The following NELL1 variants were observed in gnomAD, a reference collection of about 807,000 sequenced individuals.
NELL1 encodes protein kinase C-binding protein NELL1.
NELL1 carries 76 observed loss-of-function variants against 107.4 expected under a neutral mutation model. The ratio of observed to expected loss-of-function variants is 0.71; its 90% CI spans 0.59 to 0.86. The LOEUF (loss-of-function observed/expected upper bound fraction) is 0.86, where lower values mean the gene tolerates loss of function less well. Ranked by LOEUF, NELL1 falls within the 40% of genes least tolerant of loss-of-function variation. The pLI, the probability that NELL1 is intolerant of heterozygous loss-of-function variation, is 0.00. For synonymous variants in NELL1, 353 were observed against 341.2 expected (o/e 1.03, Z -0.38); for missense variants, 1,024 against 1,005.5 (o/e 1.02, Z -0.25).
At chr11:21,426,932 T>G (rs1041668890) in intron 15 of NELL1, among the ~76,000 whole-genome samples, 3 of 152,024 alleles carry the variant, frequency 2.0e-5, no homozygotes, top group African/African-American at 7.2e-5. Flanking sequence ...AATCTGAAAT[T>G]GCAAGCACAG....
At chr11:20,837,160 A>C (rs11025779) in intron 3 of NELL1, among the ~76,000 whole-genome samples, 97,409 of 151,918 alleles carry the variant, frequency 0.64, 33,201 homozygotes, top group Non-Finnish European at 0.78. Flanking sequence ...TGAGTTGATA[A>C]AGTTGTTTAC....
intron 12 of NELL1, among the ~76,000 whole-genome samples, chr11:21,043,250 C>A (rs1460059924): frequency 6.6e-6 from 1 of 151,948 alleles, no homozygotes; most frequent in Admixed American, 6.6e-5. Flanking sequence ...GTGTTCATTG[C>A]AGGGGATATA....
Position 20,960,691 on chromosome 11 carries a change from T to C in NELL1, c.1300+131T>C, listed in dbSNP as rs542877281. The C allele has an allele frequency of 1.4e-5, 14 of 1,007,562 alleles. No individual in the cohort carries two copies. In the African/African-American group the frequency reaches 1.8e-4, roughly 13 times the overall value. 62.4% of individuals were successfully genotyped at this position (1,007,562 alleles called of 1,614,324 possible). On this transcript the variant is annotated intron_variant, in intron 12 of 19. Transcript: ENST00000357134. Reference sequence around the variant, plus strand: ...GCAATCCTATAAGAAATCATATCAATTGCTGAGGGTTCTCTGTTCTCCTGG... The same window carrying C: ...GCAATCCTATAAGAAATCATATCAACTGCTGAGGGTTCTCTGTTCTCCTGG...
At chr11:21,404,656 T>C (rs979036717) in intron 15 of NELL1, among the ~76,000 whole-genome samples, 1 of 152,024 alleles carries the variant, frequency 6.6e-6, no homozygotes, top group Non-Finnish European at 1.5e-5. Flanking sequence ...ATCATCATAA[T>C]AATCCCATGT....
At chr11:20,708,976 A>G (rs984592413) in intron 2 of NELL1, among the ~76,000 whole-genome samples, 2 of 152,110 alleles carry the variant, frequency 1.3e-5, no homozygotes, top group Admixed American at 6.6e-5. Flanking sequence ...CCTTGCATGC[A>G]CAGTTCACAA....
chr11:20,883,362 T>A (rs1240935800), intron 4 of NELL1, among the ~76,000 whole-genome samples: 1 of 152,370 alleles, frequency 6.6e-6, no homozygotes, highest in African/African-American at 2.4e-5. Flanking sequence ...TCTCTTTGAT[T>A]GTTTTTTCCT....
At chr11:20,968,567 C>T (rs1473779173) in intron 12 of NELL1, among the ~76,000 whole-genome samples, 2 of 152,168 alleles carry the variant, frequency 1.3e-5, no homozygotes, top group Non-Finnish European at 1.5e-5. Flanking sequence ...ACGTCACTGC[C>T]TTTATTTGCT....
intron 12 of NELL1, among the ~76,000 whole-genome samples, chr11:21,110,952 A>C (rs1355788292): frequency 6.6e-6 from 1 of 152,150 alleles, no homozygotes; most frequent in Non-Finnish European, 1.5e-5. Context: ...TGAACAGCAC[A>C]CTAATGTCCA....
intron 12 of NELL1, among the ~76,000 whole-genome samples, chr11:21,064,781 A>C (rs1024302851): frequency 6.6e-6 from 1 of 152,208 alleles, no homozygotes; most frequent in African/African-American, 2.4e-5. Context: ...ACATTAAAAC[A>C]CACCCACATC....
intron 2 of NELL1, among the ~76,000 whole-genome samples, chr11:20,735,380 A>G (rs1378539765): frequency 6.6e-6 from 1 of 152,176 alleles, no homozygotes; most frequent in African/African-American, 2.4e-5. Flanking sequence ...TCATGACAGA[A>G]GGAGAAGCAA....
intron 14 of NELL1, among the ~76,000 whole-genome samples, chr11:21,297,481 G>A (rs1849399202): frequency 6.6e-6 from 1 of 152,004 alleles, no homozygotes; most frequent in South Asian, 2.1e-4. Flanking sequence ...AAAGCCTCTG[G>A]ATTCATCCTT....
chr11:20,975,107 C>A (rs1226066102), intron 12 of NELL1, among the ~76,000 whole-genome samples: 1 of 152,130 alleles, frequency 6.6e-6, no homozygotes, highest in Admixed American at 6.5e-5. Flanking sequence ...CTCCCAGGTT[C>A]AAGCGATTCT....
intron 2 of NELL1, among the ~76,000 whole-genome samples, chr11:20,756,915 G>A (rs530964594): frequency 2.0e-5 from 3 of 152,210 alleles, no homozygotes; most frequent in Non-Finnish European, 4.4e-5. Context: ...AAGTCCAGAG[G>A]AATTGCATGG....
intron 11 of NELL1, among the ~76,000 whole-genome samples, chr11:20,957,242 T>C (rs746546845): frequency 2.0e-5 from 3 of 152,148 alleles, no homozygotes; most frequent in African/African-American, 4.8e-5. Context: ...CAAAGAGACT[T>C]GCCTGTCAGT....
At chr11:20,973,323 GT>G (rs1390284677) in intron 12 of NELL1, among the ~76,000 whole-genome samples, 4 of 151,980 alleles carry the variant, frequency 2.6e-5, no homozygotes, top group Non-Finnish European at 5.9e-5. Flanking sequence ...GGCCAGGCTG[GT>G]CTCAAACTCC....
At chr11:21,454,024 C>T (rs1030604448) in intron 15 of NELL1, among the ~76,000 whole-genome samples, 1 of 147,576 alleles carries the variant, frequency 6.8e-6, no homozygotes, top group African/African-American at 2.5e-5. Context: ...GTGCGCTGCA[C>T]CCACTAACTT....
chr11:21,055,508 A>G (rs1017435836), intron 12 of NELL1, among the ~76,000 whole-genome samples: 2 of 152,138 alleles, frequency 1.3e-5, no homozygotes, highest in African/African-American at 4.8e-5. Context: ...CTTTTTATAG[A>G]CCTTACATAA....
chr11:20,745,821 A>C (rs1355081779), intron 2 of NELL1, among the ~76,000 whole-genome samples: 1 of 152,204 alleles, frequency 6.6e-6, no homozygotes, highest in African/African-American at 2.4e-5. Context: ...GGCTCAAAGC[A>C]GGGAAATGAC....
chr11:21,352,971 T>C (rs61885511), intron 14 of NELL1, among the ~76,000 whole-genome samples: 11,704 of 152,248 alleles, frequency 0.077, 570 homozygotes, highest in Non-Finnish European at 0.11. Flanking sequence ...GATTCCATGT[T>C]TTCTGCATAC....
Sources: gnomAD v4.1 joint callset for allele counts (sites outside exome capture counted in the v4.1 genomes callset) on GRCh38, gnomAD v4.1.1 for gene constraint, MANE v1.5 for transcripts, NCBI Gene and HGNC (gene_info 2026-07-23, HGNC 2026-07-21) for gene names.